Variants in PAPPA observed in about 807,000 individuals in gnomAD.
The protein encoded by PAPPA is pappalysin-1.
Under a neutral mutation model 164.0 loss-of-function variants are expected in PAPPA, and 60 were observed. The observed-to-expected ratio is 0.37, with a 90% confidence interval of 0.30 to 0.45. The LOEUF (loss-of-function observed/expected upper bound fraction) is 0.45. Ranked by LOEUF, PAPPA falls within the 20% of genes least tolerant of loss-of-function variation. The pLI is 1.00. For missense variants in PAPPA, 1,782 were observed against 2,087.3 expected (o/e 0.85, Z 2.85); for synonymous variants, 875 against 814.1 (o/e 1.07, Z -1.27).
intron 10 of PAPPA, among the ~76,000 whole-genome samples, 194 bp from the exon 11 acceptor site, chr9:116,331,050 C>T (rs1462058835): frequency 6.6e-6 from 1 of 152,108 alleles, no homozygotes; most frequent in Non-Finnish European, 1.5e-5. Flanking sequence ...TCTATTATAT[C>T]CTTAAAAGTG....
intron 9 of PAPPA, among the ~76,000 whole-genome samples, chr9:116,281,714 A>G (rs1009666916): frequency 2.6e-5 from 4 of 152,144 alleles, no homozygotes; most frequent in Admixed American, 2.6e-4. Flanking sequence ...AGAGCCCCCA[A>G]ATGTTTAAGT....
chr9:116,256,092 A>T (rs1844924426), intron 7 of PAPPA, among the ~76,000 whole-genome samples: 1 of 151,852 alleles, frequency 6.6e-6, no homozygotes, highest in Non-Finnish European at 1.5e-5. Flanking sequence ...GAGGACATGG[A>T]CTTGACCCAG....
chr9:116,327,607 G>T (rs567657290), intron 10 of PAPPA, among the ~76,000 whole-genome samples: 1 of 152,026 alleles, frequency 6.6e-6, no homozygotes, highest in South Asian at 2.1e-4. Flanking sequence ...AAACACAGGC[G>T]GATGAAAACA....
chr9:116,190,070 A>G (rs1036004903), intron 2 of PAPPA, among the ~76,000 whole-genome samples: 11 of 152,316 alleles, frequency 7.2e-5, no homozygotes, highest in African/African-American at 2.2e-4. Context: ...GGCCTTTCCA[A>G]AACTTGGCAA....
chr9:116,312,284 C>CT (rs1845727949), intron 10 of PAPPA, among the ~76,000 whole-genome samples: 2 of 100,720 alleles, frequency 2.0e-5, no homozygotes, highest in African/African-American at 3.3e-5. Flanking sequence ...TCTTTTCTTT[C>CT]TTTCTTTTTT....
rs267602100 is a variant in PAPPA, at chr9:116,271,344, G to A, written c.2881G>A (p.Asp961Asn). The A allele has an allele frequency of 6.2e-7, 1 of 1,613,902 alleles. No individual in the cohort carries two copies. Among genetic ancestry groups the A allele is most frequent in the Admixed American group, 1.7e-5 (1 of 60,016 alleles). The change falls in exon 9 of 22, where the codon GAC becomes AAC. Residue 961 changes from aspartate (D) to asparagine (N), a missense_variant. Asp to Asn is a conservative substitution (Grantham distance 23). Coordinates refer to ENST00000328252, the MANE Select transcript of PAPPA (RefSeq NM_002581.5). The surrounding 1 kb of genome is among the most constrained non-coding windows in gnomAD (Gnocchi z 4.2). ...IIQKDQGEQC[D>N]DMNKINGDGC... ...CTGCAGAGACCAAGGTGAACAATGC[G>A]ACGACATGAATAAGATCAATGGTGA...
intron 9 of PAPPA, among the ~76,000 whole-genome samples, chr9:116,299,345 C>G (rs1321194849): frequency 6.6e-6 from 1 of 152,048 alleles, no homozygotes; most frequent in Non-Finnish European, 1.5e-5. Context: ...GCCTGTATAC[C>G]TGTTTACCTA....
chr9:116,383,114 G>A (rs1846754771), intron 21 of PAPPA, among the ~76,000 whole-genome samples: 1 of 152,130 alleles, frequency 6.6e-6, no homozygotes, highest in Non-Finnish European at 1.5e-5. Flanking sequence ...TGATTCAAGT[G>A]TTTATAGTAA....
intron 13 of PAPPA, 103 bp from the exon 14 acceptor site, chr9:116,344,440 C>T (rs1268079812): frequency 2.6e-6 from 3 of 1,169,726 alleles, no homozygotes; most frequent in Non-Finnish European, 3.7e-6. Flanking sequence ...AGTCTCAAGC[C>T]CCCTGAAATC....
At chr9:116,249,659 G>T (rs1844836697) in intron 7 of PAPPA, among the ~76,000 whole-genome samples, 1 of 152,314 alleles carries the variant, frequency 6.6e-6, no homozygotes, top group East Asian at 1.9e-4. Flanking sequence ...AAGTGGAAAT[G>T]CAGAGCACCG....
In PAPPA at chr9:116,353,782, G is replaced by A. The variant is rs779966287; in HGVS notation, c.4336G>A (p.Asp1446Asn). The change falls in exon 17 of 22, where the codon GAT becomes AAT. Residue 1446 changes from aspartate to asparagine, a missense_variant. Coordinates refer to ENST00000328252, the MANE Select transcript of PAPPA (RefSeq NM_002581.5). ...GTGTAGGATCAAGTGTGAAGACAGT[G>A]ATGCCTCCCAGGTAAGCCTCCTGGA... ...SECRIKCEDS[D>N]ASQGLGSNVI... 2.5e-6 allele frequency: 4 copies of A among 1,612,604 alleles called. No homozygotes were observed. In the East Asian group the frequency reaches 6.7e-5, roughly 27 times the overall value.
chr9:116,393,291 A>AAGCT (rs1221476192), intron 21 of PAPPA, among the ~76,000 whole-genome samples: 1 of 152,188 alleles, frequency 6.6e-6, no homozygotes, highest in African/African-American at 2.4e-5. Context: ...GAGAAGTTAG[A>AAGCT]AGCTATGAAA....
intron 21 of PAPPA, among the ~76,000 whole-genome samples, chr9:116,392,467 A>G (rs534602775): frequency 1.1e-4 from 17 of 152,280 alleles, no homozygotes; most frequent in Admixed American, 4.6e-4. Context: ...AGAGTCAGAG[A>G]GCTAGCATAT....
chr9:116,252,031 G>T (rs1428538833), intron 7 of PAPPA, among the ~76,000 whole-genome samples: 1 of 152,092 alleles, frequency 6.6e-6, no homozygotes, highest in Admixed American at 6.5e-5. Context: ...ATTTCAATTG[G>T]TGGTAAAAGA....
At chr9:116,299,689 C>T (rs1250230480) in intron 9 of PAPPA, among the ~76,000 whole-genome samples, 2 of 152,112 alleles carry the variant, frequency 1.3e-5, no homozygotes, top group Non-Finnish European at 2.9e-5. Context: ...GAAGATTTCT[C>T]TGCTAGGTGT....
At chr9:116,315,959 C>T (rs1217408057) in intron 10 of PAPPA, among the ~76,000 whole-genome samples, 2 of 152,106 alleles carry the variant, frequency 1.3e-5, no homozygotes, top group Non-Finnish European at 2.9e-5. Context: ...ACATTTAAAC[C>T]TGTCAACCAC....
At chr9:116,186,510 G>A (rs964135348) in intron 1 of PAPPA, among the ~76,000 whole-genome samples, 4 of 152,106 alleles carry the variant, frequency 2.6e-5, no homozygotes, top group African/African-American at 9.7e-5. Context: ...CAAGATTCCT[G>A]TTAGAGAATG....
rs768031944 is a variant in PAPPA, at chr9:116,389,397, C to G, written c.4776+6904C>G. 1.1e-4 allele frequency among the ~76,000 whole-genome samples: 16 copies of G among 152,084 alleles called. 1 individual carries two copies. Among genetic ancestry groups the G allele is most frequent in the Admixed American group, 9.8e-4 (15 of 15,272 alleles). ...ATAGTCCTTTTAAATCCAGTCAGAT[C>G]ATATCACACCTCAATGCAAAGACAT... On this transcript the variant is annotated intron_variant, in intron 21 of 21. Coordinates refer to ENST00000328252, the MANE Select transcript of PAPPA (RefSeq NM_002581.5).
intron 10 of PAPPA, among the ~76,000 whole-genome samples, chr9:116,328,372 G>A (rs188148008): frequency 1.6e-4 from 24 of 152,164 alleles, no homozygotes; most frequent in African/African-American, 4.8e-4. Context: ...ACTTAAAAAC[G>A]TCTTCCAGCC....
Sources: allele counts gnomAD v4.1 joint callset (sites outside exome capture counted in the v4.1 genomes callset), GRCh38; gene constraint gnomAD v4.1.1; non-coding constraint Gnocchi (gnomAD v3.1); transcripts MANE v1.5; gene names NCBI Gene and HGNC (gene_info 2026-07-23, HGNC 2026-07-21).